GPR39: variants seen among roughly 807,000 people sequenced by gnomAD.
GPR39 encodes zinc sensing receptor.
GPR39 carries 23 observed loss-of-function variants against 18.4 expected under a neutral mutation model. That is an observed-to-expected ratio of 1.25 (90% CI 0.90 to 1.77). The LOEUF (loss-of-function observed/expected upper bound fraction) is 1.77. Among genes scored for constraint, GPR39 ranks in the 40% most tolerant of loss-of-function variants. The pLI is 0.00. For synonymous variants in GPR39, 280 were observed against 257.9 expected (o/e 1.09, Z -0.82); for missense variants, 647 against 602.4 (o/e 1.07, Z -0.78).
At chr2:132,588,565 T>C (rs553546283) in intron 1 of GPR39, among the ~76,000 whole-genome samples, 10 of 152,318 alleles carry the variant, frequency 6.6e-5, no homozygotes, top group Admixed American at 3.3e-4. Context: ...GGGCCTGGGC[T>C]GCTGGGATTT....
chr2:132,638,913 C>T (rs1318159976), intron 1 of GPR39, among the ~76,000 whole-genome samples: 1 of 151,824 alleles, frequency 6.6e-6, no homozygotes, highest in Non-Finnish European at 1.5e-5. Context: ...TTTGTTGCAA[C>T]CACGCTGAGC....
In GPR39 at chr2:132,590,056, A is replaced by G. The variant is rs145281363; in HGVS notation, c.857-55045A>G. On this transcript the variant is annotated intron_variant, in intron 1 of 1. Transcript: ENST00000329321. ...CTGCTCTCATTATTTCTTTTCATAT[A>G]GTAGAATTAAACTTCAAACAGTTTA... Among the ~76,000 whole-genome samples the G allele has an allele frequency of 2.6e-5, 4 of 152,382 alleles. No homozygotes were observed. The East Asian group carries it at 7.7e-4, about 29-fold the overall frequency.
chr2:132,590,923 A>C (rs929164366), intron 1 of GPR39, among the ~76,000 whole-genome samples: 1 of 151,742 alleles, frequency 6.6e-6, no homozygotes, highest in African/African-American at 2.4e-5. Flanking sequence ...CTGGGTGGGC[A>C]CCATCTAATC....
chr2:132,528,021 T>G (rs1434425069), intron 1 of GPR39, among the ~76,000 whole-genome samples: 1 of 152,240 alleles, frequency 6.6e-6, no homozygotes, highest in Non-Finnish European at 1.5e-5. Flanking sequence ...GTGTCCTGAA[T>G]GGCATTGCCT....
chr2:132,472,810 T>G (rs534752449), intron 1 of GPR39, among the ~76,000 whole-genome samples: 88 of 152,292 alleles, frequency 5.8e-4, no homozygotes, highest in Admixed American at 1.0e-3. Context: ...TAGCTTGTAA[T>G]GGAGGTCATA....
chr2:132,422,758 C>T (rs1194906078), intron 1 of GPR39, among the ~76,000 whole-genome samples: 3 of 151,938 alleles, frequency 2.0e-5, no homozygotes, highest in Non-Finnish European at 4.4e-5. Context: ...ATCAGCCTGG[C>T]AGACAAATAT....
chr2:132,485,489 C>A (rs1323231940), intron 1 of GPR39, among the ~76,000 whole-genome samples: 1 of 152,236 alleles, frequency 6.6e-6, no homozygotes, highest in African/African-American at 2.4e-5. Flanking sequence ...ATTAAGACTT[C>A]TTTCAAAATT....
At chr2:132,449,073 G>A (rs1222731341) in intron 1 of GPR39, among the ~76,000 whole-genome samples, 1 of 152,236 alleles carries the variant, frequency 6.6e-6, no homozygotes, top group African/African-American at 2.4e-5. Context: ...GAGCATTGGA[G>A]AATAGTCAAA....
chr2:132,620,743 A>G (rs897661029), intron 1 of GPR39, among the ~76,000 whole-genome samples: 5 of 151,718 alleles, frequency 3.3e-5, no homozygotes, highest in Non-Finnish European at 2.9e-5. Context: ...CAACCTTCAC[A>G]TTTTATTTTT....
chr2:132,564,432 C>T (rs933772355), intron 1 of GPR39, among the ~76,000 whole-genome samples: 1 of 151,984 alleles, frequency 6.6e-6, no homozygotes, highest in Non-Finnish European at 1.5e-5. Flanking sequence ...ATGGCATTTC[C>T]CTCCCTTCTC....
intron 1 of GPR39, among the ~76,000 whole-genome samples, chr2:132,540,848 G>C (rs1573656003): frequency 6.6e-6 from 1 of 152,156 alleles, no homozygotes; most frequent in South Asian, 2.1e-4. Context: ...GCTGGATTCT[G>C]TCCTCCAGAT....
chr2:132,434,203 A>G (rs1214490872), intron 1 of GPR39, among the ~76,000 whole-genome samples: 1 of 152,186 alleles, frequency 6.6e-6, no homozygotes, highest in Non-Finnish European at 1.5e-5. Context: ...GTGAGCATCA[A>G]GATTTAAGGC....
chr2:132,513,472 G>A (rs1285542780), intron 1 of GPR39, among the ~76,000 whole-genome samples: 4 of 110,382 alleles, frequency 3.6e-5, no homozygotes, highest in South Asian at 5.3e-4. Flanking sequence ...CAAAAAAAAA[G>A]AGTCTGTGTA....
chr2:132,437,972 T>C (rs1680357750), intron 1 of GPR39, among the ~76,000 whole-genome samples: 1 of 152,150 alleles, frequency 6.6e-6, no homozygotes, highest in Non-Finnish European at 1.5e-5. Context: ...TGGTGAACCA[T>C]GAAGTGTTAC....
Position 132,482,823 on chromosome 2 carries a change from A to G in GPR39, c.856+64925A>G, listed in dbSNP as rs73957911. Among the ~76,000 whole-genome samples the G allele has an allele frequency of 7.1e-3, 1,087 of 152,308 alleles. 13 individuals are homozygous for G. The highest frequency in any genetic ancestry group is 0.025 in the African/African-American group (1,030 of 41,560). On this transcript the variant is annotated intron_variant, in intron 1 of 1. Transcript: ENST00000329321. ...TATAACAATGTCTGTTTCTCCACCA[A>G]TGCTTTACCTTGTATTAATAAATTG...
intron 1 of GPR39, among the ~76,000 whole-genome samples, chr2:132,546,798 A>G (rs1290451264): frequency 8.0e-6 from 1 of 124,852 alleles, no homozygotes; most frequent in Non-Finnish European, 1.6e-5. Flanking sequence ...CTGTGGTGGC[A>G]TTTGAGAGCT....
intron 1 of GPR39, among the ~76,000 whole-genome samples, chr2:132,637,386 G>A (rs979620943): frequency 2.0e-5 from 3 of 152,226 alleles, no homozygotes; most frequent in Non-Finnish European, 4.4e-5. Context: ...TGGCCTCAAC[G>A]TGGTGGATGG....
At chr2:132,544,687 A>G (rs1334780608) in intron 1 of GPR39, among the ~76,000 whole-genome samples, 2 of 152,222 alleles carry the variant, frequency 1.3e-5, no homozygotes, top group South Asian at 2.1e-4. Context: ...CCAGTCCGCC[A>G]GCATTACAGC....
At chr2:132,419,212 T>A (rs1679964689) in intron 1 of GPR39, among the ~76,000 whole-genome samples, 1 of 152,238 alleles carries the variant, frequency 6.6e-6, no homozygotes, top group African/African-American at 2.4e-5. Flanking sequence ...CCAGCTGACT[T>A]GACTTTACTC....
Sources: allele counts gnomAD v4.1 joint callset (sites outside exome capture counted in the v4.1 genomes callset), GRCh38; gene constraint gnomAD v4.1.1; transcripts MANE v1.5; gene names NCBI Gene and HGNC (gene_info 2026-07-23, HGNC 2026-07-21).